SHROOM3: variants seen among roughly 807,000 people sequenced by gnomAD.
SHROOM3 encodes the protein shroom family member 3.
Under a neutral mutation model 138.6 loss-of-function variants are expected in SHROOM3, and 47 were observed. The ratio of observed to expected loss-of-function variants is 0.34; its 90% CI spans 0.27 to 0.43. The LOEUF (loss-of-function observed/expected upper bound fraction) is 0.43, where lower values mean the gene tolerates loss of function less well. SHROOM3 is among the 20% of genes least tolerant of loss of function. The pLI is 1.00. For synonymous variants in SHROOM3, 1,062 were observed against 1,063.3 expected (o/e 1.00, Z 0.02); for missense variants, 2,491 against 2,596.5 (o/e 0.96, Z 0.88).
chr4:76,552,067 TA>T (rs1488736902), intron 1 of SHROOM3, among the ~76,000 whole-genome samples: 1 of 148,674 alleles, frequency 6.7e-6, no homozygotes, highest in Non-Finnish European at 1.5e-5. Context: ...TTCACCGTGT[TA>T]GCCAGGATGG....
At chr4:76,552,082 C>T (rs367618681) in intron 1 of SHROOM3, among the ~76,000 whole-genome samples, 196 of 149,860 alleles carry the variant, frequency 1.3e-3, no homozygotes, top group African/African-American at 4.0e-3. Flanking sequence ...AGGATGGACT[C>T]GATCTCCTGA....
rs1371859146 is a variant in SHROOM3, at chr4:76,738,750, C to T, written c.588-11C>T. ...AGCTCAGTGGTACTGACTGCTTTGT[C>T]TTTCTTCCAGCTCCTCTACTAGTGA... On this transcript the variant is annotated splice_polypyrimidine_tract_variant and intron_variant, in intron 4 of 10. Transcript: ENST00000296043. 1 of 1,614,142 alleles carries T rather than the reference C, an allele frequency of 6.2e-7. No homozygotes were observed.
At chr4:76,727,006 GGTCCATTGGT>G (rs1259014909) in intron 3 of SHROOM3, among the ~76,000 whole-genome samples, 1 of 152,116 alleles carries the variant, frequency 6.6e-6, no homozygotes, top group Non-Finnish European at 1.5e-5. Context: ...CTGAGGTCAC[GGTCCATTGGT>G]GTCCATTGGC....
chr4:76,690,232 C>G (rs572882426), intron 2 of SHROOM3, among the ~76,000 whole-genome samples: 2 of 152,112 alleles, frequency 1.3e-5, no homozygotes, highest in Non-Finnish European at 2.9e-5. Context: ...ACCTGACGCT[C>G]GCTTTACTCC....
At chr4:76,447,567 T>C (rs986743563) in intron 1 of SHROOM3, among the ~76,000 whole-genome samples, 3 of 152,042 alleles carry the variant, frequency 2.0e-5, no homozygotes, top group Non-Finnish European at 2.9e-5. Flanking sequence ...AATAGGAGAG[T>C]GTGCAAACTT....
intron 1 of SHROOM3, among the ~76,000 whole-genome samples, chr4:76,539,552 T>G (rs1285757773): frequency 6.6e-6 from 1 of 152,238 alleles, no homozygotes; most frequent in African/African-American, 2.4e-5. Context: ...AGCTAACATT[T>G]ATTGGGCATT....
chr4:76,537,070 A>G (rs1732968181), intron 1 of SHROOM3, among the ~76,000 whole-genome samples: 1 of 152,162 alleles, frequency 6.6e-6, no homozygotes, highest in Non-Finnish European at 1.5e-5. Context: ...CCGAGATCGC[A>G]CCACTGTACT....
At chr4:76,506,175 G>A (rs1340901668) in intron 1 of SHROOM3, among the ~76,000 whole-genome samples, 2 of 151,662 alleles carry the variant, frequency 1.3e-5, no homozygotes, top group Non-Finnish European at 2.9e-5. Context: ...GTTGAACAAC[G>A]AGAACACATG....
chr4:76,711,361 C>T (rs1470791334), intron 3 of SHROOM3, among the ~76,000 whole-genome samples: 2 of 152,146 alleles, frequency 1.3e-5, no homozygotes, highest in Non-Finnish European at 2.9e-5. Context: ...GTCATGAGTG[C>T]AACAAATGTT....
At chr4:76,505,861 A>G (rs746456984) in intron 1 of SHROOM3, among the ~76,000 whole-genome samples, 7 of 151,966 alleles carry the variant, frequency 4.6e-5, no homozygotes, top group Admixed American at 3.3e-4. Flanking sequence ...ATAGGGTCTC[A>G]CTATGTCTCC....
At chr4:76,649,633 C>T (rs1269207652) in intron 2 of SHROOM3, among the ~76,000 whole-genome samples, 2 of 152,132 alleles carry the variant, frequency 1.3e-5, no homozygotes, top group Admixed American at 6.5e-5. Context: ...AGAAGGATAA[C>T]TCTAAAAAAT....
chr4:76,577,729 C>T (rs998763931), intron 2 of SHROOM3, among the ~76,000 whole-genome samples: 2 of 152,206 alleles, frequency 1.3e-5, no homozygotes, highest in East Asian at 3.9e-4. Flanking sequence ...TTTAGCCCCT[C>T]TTATAAGAAA....
chr4:76,668,155 C>T (rs940808426), intron 2 of SHROOM3, among the ~76,000 whole-genome samples: 1 of 151,968 alleles, frequency 6.6e-6, no homozygotes, highest in Non-Finnish European at 1.5e-5. Context: ...GCTGAGGAGA[C>T]TCCGGCGCTC....
Position 76,754,557 on chromosome 4 carries a change from G to A in SHROOM3, c.4074G>A (p.Leu1358=). The change falls in exon 7 of 11, where the codon CTG becomes CTA. Residue 1358 remains leucine (L), a synonymous_variant. Transcript: ENST00000296043. ...CCCTGACCCCAATTGGCACCCCTCTGCCTTCAGCCATTCCCTCTGGCTACT... is the reference window on the plus strand; with the variant it reads ...CCCTGACCCCAATTGGCACCCCTCTACCTTCAGCCATTCCCTCTGGCTACT... ...AAPLTPIGTP[L]PSAIPSGYCS... The A allele has an allele frequency of 1.2e-6, 2 of 1,613,902 alleles. No individual in the cohort carries two copies. Among genetic ancestry groups the A allele is most frequent in the Non-Finnish European group, 1.7e-6 (2 of 1,179,862 alleles).
At position 76,650,286 on chromosome 4, in the gene SHROOM3, A is replaced by G. The variant is rs540457591; in HGVS notation, c.324-59870A>G. Among the ~76,000 whole-genome samples the G allele has an allele frequency of 3.3e-5, 5 of 152,320 alleles. No individual in the cohort carries two copies. In the South Asian group the frequency reaches 1.0e-3, roughly 32 times the overall value. On this transcript the variant is annotated intron_variant, in intron 2 of 10. Transcript: ENST00000296043. ...GCTCATATTCAAAAGACAGGCAATG[A>G]CAAATGCTGGTGAGAGTGTAGAGAA...
At chr4:76,439,129 T>A (rs1422949970) in intron 1 of SHROOM3, among the ~76,000 whole-genome samples, 2 of 152,120 alleles carry the variant, frequency 1.3e-5, no homozygotes, top group Non-Finnish European at 2.9e-5. Flanking sequence ...TAGGGGAAGA[T>A]GTGTTTTCTT....
intron 2 of SHROOM3, among the ~76,000 whole-genome samples, chr4:76,641,735 A>G (rs892242385): frequency 2.6e-5 from 4 of 152,204 alleles, no homozygotes; most frequent in Admixed American, 6.5e-5. Context: ...GATCTAGGAA[A>G]GGCTCACCAA....
At chr4:76,696,587 GCTGGC>G (rs1171128357) in intron 2 of SHROOM3, among the ~76,000 whole-genome samples, 2 of 152,172 alleles carry the variant, frequency 1.3e-5, no homozygotes, top group Non-Finnish European at 1.5e-5. Flanking sequence ...CCTGTCATAG[GCTGGC>G]CTGGCCTGGC....
chr4:76,624,584 C>T (rs1577927345), intron 2 of SHROOM3, among the ~76,000 whole-genome samples: 1 of 152,046 alleles, frequency 6.6e-6, no homozygotes, highest in African/African-American at 2.4e-5. Context: ...TACCACTACA[C>T]GTGAATACTG....
Sources: allele counts gnomAD v4.1 joint callset (sites outside exome capture counted in the v4.1 genomes callset), GRCh38; gene constraint gnomAD v4.1.1; transcripts MANE v1.5; gene names NCBI Gene and HGNC (gene_info 2026-07-23, HGNC 2026-07-21).